The following SORBS3 variants were observed in gnomAD, a reference collection of about 807,000 sequenced individuals.
SORBS3 encodes the protein sorbin and SH3 domain containing 3.
A neutral mutation model predicts 98.0 loss-of-function variants in SORBS3; 69 were observed. The ratio of observed to expected loss-of-function variants is 0.70; its 90% CI spans 0.58 to 0.86. The LOEUF is 0.86. Ranked by LOEUF, SORBS3 falls within the 40% of genes least tolerant of loss-of-function variation. SORBS3 has a pLI of 0.00. For missense variants in SORBS3, 954 were observed against 908.5 expected (o/e 1.05, Z -0.64); for synonymous variants, 394 against 355.4 (o/e 1.11, Z -1.22).
upstream of SORBS3, among the ~76,000 whole-genome samples, chr8:22,549,014 G>T (rs1840045671): frequency 6.6e-6 from 1 of 152,234 alleles, no homozygotes; most frequent in Non-Finnish European, 1.5e-5. Flanking sequence ...CCTGTTGACG[G>T]TGATGTTGGG....
rs77246845 is a variant in SORBS3, at chr8:22,569,188, C to T, written c.1346C>T (p.Pro449Leu). 642 of 1,611,342 alleles carry T rather than the reference C, an allele frequency of 4.0e-4. 4 individuals are homozygous for T. In the East Asian group the frequency reaches 0.012, roughly 29 times the overall value. Residue 449 changes from proline to leucine, a missense_variant, in exon 17 of 21, where the codon CCG becomes CTG. Coordinates refer to ENST00000240123, the MANE Select transcript of SORBS3 (RefSeq NM_005775.5). Reference sequence around the variant, plus strand: ...GAGATCCCTAAGCCCATCAAGCCCCCGACCTACCAGGTGCTGGAGTATGGA... The same window carrying T: ...GAGATCCCTAAGCCCATCAAGCCCCTGACCTACCAGGTGCTGGAGTATGGA... Reference protein sequence around the residue: ...ADEIPKPIKPPTYQVLEYGEA... With the variant: ...ADEIPKPIKPLTYQVLEYGEA...
intron 10 of SORBS3, chr8:22,565,042 G>A (rs1840375803): frequency 7.1e-7 from 1 of 1,406,834 alleles, no homozygotes; most frequent in Non-Finnish European, 9.2e-7. Flanking sequence ...GGATCAGGAA[G>A]CGCGTAGGCA....
chr8:22,568,695 G>C (rs981522887), intron 16 of SORBS3, among the ~76,000 whole-genome samples: 3 of 152,172 alleles, frequency 2.0e-5, no homozygotes, highest in Non-Finnish European at 1.5e-5. Context: ...TCTGGGCTCC[G>C]GCTGGGGTAG....
intron 18 of SORBS3, 42 bp downstream of exon 18, chr8:22,571,263 A>G (rs1004523981): frequency 8.3e-7 from 1 of 1,209,576 alleles, no homozygotes; most frequent in Non-Finnish European, 1.2e-6. Context: ...CCTCCTCCTC[A>G]CCCCTCATCC....
rs2117213697 is a variant in SORBS3, at chr8:22,554,413, G to A, written c.-55-39G>A. On this transcript the variant is annotated intron_variant, in intron 1 of 20. Transcript: ENST00000240123. The surrounding 1 kb of genome is among the most constrained non-coding windows in gnomAD (Gnocchi z 6.5). Reference sequence around the variant, plus strand: ...GAGCCAAGAGGGCATGGGCAGCCTAGCCTAGCAGGGCTTTCCCTTCCTTCC... The same window carrying A: ...GAGCCAAGAGGGCATGGGCAGCCTAACCTAGCAGGGCTTTCCCTTCCTTCC... 1 of 1,532,660 alleles carries A rather than the reference G, an allele frequency of 6.5e-7. No individual in the cohort carries two copies. The highest frequency in any genetic ancestry group is 2.3e-5 in the East Asian group (1 of 43,666). The allele number at this position is 1,532,660 out of a possible 1,614,324, so 94.9% of individuals were successfully genotyped here.
chr8:22,558,267 A>G, intron 5 of SORBS3, 75 bp downstream of exon 5: 1 of 1,406,068 alleles, frequency 7.1e-7, no homozygotes, highest in Non-Finnish European at 1.0e-6. Context: ...ACAGGGAAAG[A>G]AAAGGGGACT....
Position 22,569,174 on chromosome 8 carries a change from G to A in SORBS3, c.1332G>A (p.Lys444=). The part of the protein sequence containing the change: ...VEVLPADEIP[K]PIKPPTYQVL... ...TGCTGCCCGCAGATGAGATCCCTAA[G>A]CCCATCAAGCCCCCGACCTACCAGG... The change falls in exon 17 of 21, where the codon AAG becomes AAA. Residue 444 remains lysine (K), a synonymous_variant. Coordinates refer to ENST00000240123, the MANE Select transcript of SORBS3 (RefSeq NM_005775.5). The A allele has an allele frequency of 6.2e-7, 1 of 1,610,454 alleles. No individual in the cohort carries two copies. The highest frequency in any genetic ancestry group is 1.3e-5 in the African/African-American group (1 of 74,824).
At chr8:22,560,739 G>T (rs1293704897) in intron 5 of SORBS3, among the ~76,000 whole-genome samples, 1 of 152,118 alleles carries the variant, frequency 6.6e-6, no homozygotes, top group Non-Finnish European at 1.5e-5. Flanking sequence ...TTACTATGGG[G>T]GAAAGCAGAC....
At position 22,554,235 on chromosome 8, in the gene SORBS3, T is replaced by A; in HGVS notation, c.-55-217T>A. On this transcript the variant is annotated intron_variant, in intron 1 of 20. Transcript: ENST00000240123. The surrounding 1 kb of genome is among the most constrained non-coding windows in gnomAD (Gnocchi z 6.5). ...CCACCCGGAGCTCCTGCCCTGGGCC[T>A]AACAAGTGGTCCATTGTGCCCCTGG... The A allele has an allele frequency of 1.5e-5, 4 of 268,878 alleles. No homozygotes were observed. Among genetic ancestry groups the A allele is most frequent in the East Asian group, 8.8e-5 (1 of 11,350 alleles). The allele number at this position is 268,878 out of a possible 1,614,324, so 16.7% of individuals were successfully genotyped here. A position where few individuals can be genotyped will look rare whatever the true frequency, so the allele number is the denominator to read the frequency against.
intron 1 of SORBS3, among the ~76,000 whole-genome samples, chr8:22,552,586 G>T (rs997866161): frequency 2.6e-5 from 4 of 151,558 alleles, no homozygotes; most frequent in African/African-American, 9.8e-5. Flanking sequence ...AGCAACCTCT[G>T]ACTACGGGTC....
At chr8:22,567,210 C>A (rs1405832970) in intron 16 of SORBS3, 35 bp downstream of exon 16, 8 of 1,162,974 alleles carry the variant, frequency 6.9e-6, no homozygotes, top group Non-Finnish European at 1.0e-5. Flanking sequence ...TGGGGCTGGG[C>A]TGGGAGGGCG....
Position 22,556,746 on chromosome 8 carries a change from T to C in SORBS3, c.252T>C (p.Pro84=). ...DPAWYQTWPG[P]GSKPSASTKI... is the part of the protein sequence containing the mutation. ...CGTGGTATCAGACCTGGCCAGGCCC[T>C]GGGAGCAAGCCCTCTGCAAGCACAA... Residue 84 remains proline (P), a synonymous_variant, in exon 4 of 21, where the codon CCT becomes CCC. Transcript: ENST00000240123. The C allele has an allele frequency of 6.2e-7, 1 of 1,613,800 alleles. No individual in the cohort carries two copies. The highest frequency in any genetic ancestry group is 8.5e-7 in the Non-Finnish European group (1 of 1,180,028).
chr8:22,565,170 C>T (rs555387951), intron 10 of SORBS3, 98 bp from the exon 11 acceptor site: 12 of 1,485,170 alleles, frequency 8.1e-6, no homozygotes, highest in Admixed American at 8.0e-5. Context: ...TACGCCGGCC[C>T]GGTGCGCTGG....
rs1425613851 is a variant in SORBS3, at chr8:22,552,034, C to T, written c.-56+12C>T. The T allele has an allele frequency of 9.8e-5, 97 of 985,040 alleles. No homozygotes were observed. Among genetic ancestry groups the T allele is most frequent in the Non-Finnish European group, 1.1e-4 (95 of 829,906 alleles). 61.0% of individuals were successfully genotyped at this position (985,040 alleles called of 1,614,324 possible). A position where few individuals can be genotyped will look rare whatever the true frequency, so the allele number is the denominator to read the frequency against. On this transcript the variant is annotated intron_variant, in intron 1 of 20. Coordinates refer to ENST00000240123, the MANE Select transcript of SORBS3 (RefSeq NM_005775.5). ...GCTCGCCGGGGAAGGTAGGTCCGGG[C>T]AAGGAGGGGCGGGGAGTAGGCGAGG...
chr8:22,571,927 T>G (rs1840597990), intron 19 of SORBS3, 106 bp downstream of exon 19: 1 of 809,472 alleles, frequency 1.2e-6, no homozygotes, highest in South Asian at 1.5e-5. Flanking sequence ...TTTGGGAAAC[T>G]TCTACCAGGT....
chr8:22,564,397 G>A, intron 9 of SORBS3, 28 bp downstream of exon 9: 2 of 1,613,586 alleles, frequency 1.2e-6, no homozygotes, highest in Non-Finnish European at 1.7e-6. Flanking sequence ...CTCGGGGTGT[G>A]CACGCACCCT....
At chr8:22,553,234 C>A (rs1160308395) in intron 1 of SORBS3, among the ~76,000 whole-genome samples, 1 of 152,114 alleles carries the variant, frequency 6.6e-6, no homozygotes, top group African/African-American at 2.4e-5. Context: ...GTGGTCCCCC[C>A]AGAAGTCATA....
chr8:22,551,626 C>T, upstream of SORBS3: 1 of 574,060 alleles, frequency 1.7e-6, no homozygotes, highest in South Asian at 7.5e-5. The surrounding 1 kb of genome is among the most constrained non-coding windows in gnomAD (Gnocchi z 5.8). Context: ...CCCGGGGACC[C>T]TCGGCGGCCC....
At chr8:22,570,842 C>T in intron 17 of SORBS3, 68 bp from the exon 18 acceptor site, 1 of 1,443,180 alleles carries the variant, frequency 6.9e-7, no homozygotes, top group Non-Finnish European at 9.5e-7. Flanking sequence ...ATGAGACAGC[C>T]CAGATAAGGC....
Sources: allele counts gnomAD v4.1 joint callset (sites outside exome capture counted in the v4.1 genomes callset), GRCh38; gene constraint gnomAD v4.1.1; non-coding constraint Gnocchi (gnomAD v3.1); transcripts MANE v1.5; gene names NCBI Gene and HGNC (gene_info 2026-07-23, HGNC 2026-07-21).